The following TNR variants were observed in gnomAD, a reference collection of about 807,000 sequenced individuals.
TNR encodes the protein tenascin-R.
Under a neutral mutation model 150.4 loss-of-function variants are expected in TNR, and 45 were observed. The observed-to-expected ratio is 0.30, with a 90% CI of 0.24 to 0.38. The LOEUF (loss-of-function observed/expected upper bound fraction) is 0.38. Among genes scored for constraint, TNR ranks in the 10% least tolerant of loss-of-function variants. The pLI, the probability that TNR is intolerant of heterozygous loss-of-function variation, is 1.00. For synonymous variants in TNR, 687 were observed against 678.4 expected (o/e 1.01, Z -0.20); for missense variants, 1,544 against 1,759.1 (o/e 0.88, Z 2.19).
intron 2 of TNR, among the ~76,000 whole-genome samples, chr1:175,451,597 A>T (rs1372959084): frequency 6.6e-6 from 1 of 152,082 alleles, no homozygotes; most frequent in African/African-American, 2.4e-5. Context: ...GATTGGGGAG[A>T]CACTTTTGGA....
At chr1:175,363,629 T>C in intron 13 of TNR, 79 bp downstream of exon 13, 1 of 1,523,760 alleles carries the variant, frequency 6.6e-7, no homozygotes, top group Non-Finnish European at 8.9e-7. Context: ...CAGGAGTGGA[T>C]GTTCTGCGGG....
intron 2 of TNR, among the ~76,000 whole-genome samples, chr1:175,454,778 A>G (rs1656492150): frequency 6.6e-6 from 1 of 152,110 alleles, no homozygotes; most frequent in Non-Finnish European, 1.5e-5. Context: ...GTCTGGTTCC[A>G]TTGTATTTTA....
intron 1 of TNR, among the ~76,000 whole-genome samples, chr1:175,666,757 A>G (rs1306461254): frequency 3.9e-5 from 6 of 152,034 alleles, no homozygotes; most frequent in Non-Finnish European, 8.8e-5. Flanking sequence ...CGTTGTTGTT[A>G]TTGTTTATAG....
intron 14 of TNR, among the ~76,000 whole-genome samples, chr1:175,359,979 A>G (rs1330631000): frequency 6.6e-6 from 1 of 152,184 alleles, no homozygotes; most frequent in Non-Finnish European, 1.5e-5. Flanking sequence ...TAATTAATTC[A>G]ATAACTTCTT....
chr1:175,694,031 C>G (rs112213005), intron 1 of TNR, among the ~76,000 whole-genome samples: 1 of 152,196 alleles, frequency 6.6e-6, no homozygotes, highest in Non-Finnish European at 1.5e-5. Flanking sequence ...TTCTTTGAGG[C>G]TCAATCCCAG....
intron 1 of TNR, among the ~76,000 whole-genome samples, chr1:175,628,129 C>T (rs1450554019): frequency 6.6e-6 from 1 of 152,178 alleles, no homozygotes. Context: ...ATGCTCTTTA[C>T]CAGCATTCCA....
chr1:175,463,127 A>G (rs745319954), intron 2 of TNR, among the ~76,000 whole-genome samples: 6 of 152,102 alleles, frequency 3.9e-5, no homozygotes, highest in Non-Finnish European at 7.4e-5. Flanking sequence ...AAAATATTCT[A>G]TATCTGTTTT....
intron 1 of TNR, among the ~76,000 whole-genome samples, chr1:175,685,115 T>C (rs1485447141): frequency 6.6e-6 from 1 of 152,204 alleles, no homozygotes; most frequent in Non-Finnish European, 1.5e-5. Flanking sequence ...CCCTTCTCCC[T>C]GGAATTCTGG....
chr1:175,464,068 C>G (rs1656929217), intron 2 of TNR, among the ~76,000 whole-genome samples: 1 of 152,232 alleles, frequency 6.6e-6, no homozygotes, highest in Non-Finnish European at 1.5e-5. Context: ...GAGTTGATCC[C>G]TTGATCCTCA....
chr1:175,682,333 C>T (rs1010581184), intron 1 of TNR, among the ~76,000 whole-genome samples: 1 of 152,208 alleles, frequency 6.6e-6, no homozygotes, highest in Non-Finnish European at 1.5e-5. Context: ...CACAATGACT[C>T]TATGGAGTGG....
intron 2 of TNR, among the ~76,000 whole-genome samples, chr1:175,458,024 A>G (rs934365004): frequency 6.6e-6 from 1 of 152,246 alleles, no homozygotes; most frequent in Non-Finnish European, 1.5e-5. Context: ...TAGGTTTTCC[A>G]TCTGTAAAAT....
chr1:175,417,476 A>G (rs75761918), intron 2 of TNR, among the ~76,000 whole-genome samples: 2,722 of 152,258 alleles, frequency 0.018, 95 homozygotes, highest in African/African-American at 0.061. Flanking sequence ...AAAATAATAC[A>G]TACACACTTG....
chr1:175,393,527 G>C (rs1201341052), intron 6 of TNR, among the ~76,000 whole-genome samples: 1 of 152,172 alleles, frequency 6.6e-6, no homozygotes, highest in Non-Finnish European at 1.5e-5. Context: ...AGCTGGAGCT[G>C]GTGGCTGCTT....
intron 1 of TNR, among the ~76,000 whole-genome samples, chr1:175,573,850 G>A (rs565284577): frequency 6.6e-6 from 1 of 152,306 alleles, no homozygotes; most frequent in South Asian, 2.1e-4. Context: ...TACTGGATGA[G>A]CTCTGCCTTC....
intron 21 of TNR, among the ~76,000 whole-genome samples, chr1:175,329,250 C>G (rs954308390): frequency 6.6e-6 from 1 of 152,132 alleles, no homozygotes; most frequent in Non-Finnish European, 1.5e-5. Context: ...AATGAAAGGG[C>G]CAATAATGCC....
intron 3 of TNR, among the ~76,000 whole-genome samples, chr1:175,404,584 A>T (rs1161817946): frequency 6.6e-6 from 1 of 152,206 alleles, no homozygotes; most frequent in Non-Finnish European, 1.5e-5. Context: ...GAAGTCTAGT[A>T]AGTTACATCC....
chr1:175,364,479 G>C (rs1651746291), intron 12 of TNR, among the ~76,000 whole-genome samples: 1 of 152,178 alleles, frequency 6.6e-6, no homozygotes, highest in Non-Finnish European at 1.5e-5. Context: ...AACTGTGTTT[G>C]GGAATAATGA....
chr1:175,691,924 T>C (rs533839030), intron 1 of TNR, among the ~76,000 whole-genome samples: 1 of 152,286 alleles, frequency 6.6e-6, no homozygotes, highest in East Asian at 1.9e-4. Context: ...CCTCACCTCC[T>C]CTGAGGGGCT....
intron 1 of TNR, among the ~76,000 whole-genome samples, chr1:175,550,542 G>A (rs917929726): frequency 1.3e-4 from 20 of 150,180 alleles, no homozygotes; most frequent in African/African-American, 4.9e-4. Flanking sequence ...TTGGGAAGGA[G>A]ACTGGAACAA....
Sources: allele counts gnomAD v4.1 joint callset (sites outside exome capture counted in the v4.1 genomes callset), GRCh38; gene constraint gnomAD v4.1.1; transcripts MANE v1.5; gene names NCBI Gene and HGNC (gene_info 2026-07-23, HGNC 2026-07-21).